Variants in ARID1A observed in about 807,000 individuals in gnomAD.
The protein encoded by ARID1A is AT-rich interaction domain 1A, also known as AT-rich interactive domain-containing protein 1A.
In ARID1A, 20 loss-of-function variants were observed where a neutral mutation model predicts 212.6. The observed-to-expected ratio is 0.09, with a 90% CI of 0.07 to 0.14. The LOEUF (loss-of-function observed/expected upper bound fraction) is 0.14, where lower values mean the gene tolerates loss of function less well. ARID1A is among the 10% of genes least tolerant of loss of function. ARID1A has a pLI of 1.00. For missense variants in ARID1A, 2,587 were observed against 3,059.0 expected (o/e 0.85, Z 3.64); for synonymous variants, 1,376 against 1,222.1 (o/e 1.13, Z -2.63).
At chr1:26,714,138 G>A (rs946882079) in intron 1 of ARID1A, among the ~76,000 whole-genome samples, 3 of 152,312 alleles carry the variant, frequency 2.0e-5, no homozygotes, top group African/African-American at 7.2e-5. Context: ...GGCCAGAGAT[G>A]GCAAAGAATA....
chr1:26,699,453 C>T (rs1166266981), intron 1 of ARID1A, among the ~76,000 whole-genome samples: 1 of 152,210 alleles, frequency 6.6e-6, no homozygotes, highest in Non-Finnish European at 1.5e-5. Context: ...CACTTACTAG[C>T]TGTATTCCCA....
intron 4 of ARID1A, among the ~76,000 whole-genome samples, chr1:26,741,911 G>A (rs1186858059): frequency 6.6e-6 from 1 of 152,230 alleles, no homozygotes; most frequent in East Asian, 1.9e-4. Context: ...GAGCTATGCT[G>A]TCCCTGTAGA....
rs749452696 is a variant in ARID1A, at chr1:26,696,653, GGCGGCGGCGGAGCCGGCA to G, written c.261_278del (p.Ala88_Gly93del). Reference sequence around the variant, plus strand: ...CGGGGCCGAGAGCAATGGGGGTGGCGGCGGCGGCGGAGCCGGCAGCGGCGGCGGGCCCGGCGCGGAGCC... The same window carrying G: ...CGGGGCCGAGAGCAATGGGGGTGGCGGCGGCGGCGGGCCCGGCGCGGAGCC... On this transcript the variant is annotated inframe_deletion, in exon 1 of 20. Coordinates refer to ENST00000324856, the MANE Select transcript of ARID1A (RefSeq NM_006015.6). 164 of 1,313,954 alleles carry G rather than the reference GGCGGCGGCGGAGCCGGCA, an allele frequency of 1.2e-4. No homozygotes were observed. The highest frequency in any genetic ancestry group is 5.8e-4 in the Middle Eastern group (2 of 3,452). 81.4% of individuals were successfully genotyped at this position (1,313,954 alleles called of 1,614,324 possible).
Position 26,731,251 on chromosome 1 carries a change from C to G in ARID1A, c.1450C>G (p.Pro484Ala), listed in dbSNP as rs1189548389. ...TCCTCACCCTCAGCAGCAGCAGCCA[C>G]CCTACTCCCAGCAACCACCGTCCCA... Reference protein sequence around the residue: ...QSPHPQQQQPPYSQQPPSQTP... With the variant: ...QSPHPQQQQPAYSQQPPSQTP... Residue 484 changes from proline to alanine, a missense_variant, in exon 3 of 20, where the codon CCC (proline) becomes GCC (alanine). This residue lies in a region of ARID1A where 674 missense variants were observed against 813.4 expected (regional missense o/e 0.83). Transcript: ENST00000324856. 1 of 1,613,814 alleles carries G rather than the reference C, an allele frequency of 6.2e-7. No individual in the cohort carries two copies. Among genetic ancestry groups the G allele is most frequent in the Non-Finnish European group, 8.5e-7 (1 of 1,179,988 alleles).
At chr1:26,763,373 CAG>C (rs2081010282) in intron 8 of ARID1A, 88 bp downstream of exon 8, 1 of 1,409,260 alleles carries the variant, frequency 7.1e-7, no homozygotes. Flanking sequence ...GGACCTAAAC[CAG>C]GGGGGGAAAA....
chr1:26,745,417 T>C (rs778250620), intron 4 of ARID1A, among the ~76,000 whole-genome samples: 2 of 152,192 alleles, frequency 1.3e-5, no homozygotes, highest in African/African-American at 2.4e-5. Context: ...TCTAATCTCA[T>C]GAGTCAGCTT....
intron 1 of ARID1A, among the ~76,000 whole-genome samples, chr1:26,703,758 G>C (rs2080361072): frequency 6.6e-6 from 1 of 152,208 alleles, no homozygotes; most frequent in South Asian, 2.1e-4. Context: ...ATGGGGATGG[G>C]AAATAGCCCT....
rs574493286 is a variant in ARID1A at position 26,714,866 on chromosome 1, A to G, written c.1138-14785A>G. 7.1e-4 allele frequency among the ~76,000 whole-genome samples: 108 copies of G among 152,300 alleles called. No homozygotes were observed. The Middle Eastern group carries it at 0.01, about 14-fold the overall frequency. Reference sequence around the variant, plus strand: ...GCAGCCCTAGGAATTAATGAAATAAACAGTGGCATTGCTGCTGCTTCTTGG... The same window carrying G: ...GCAGCCCTAGGAATTAATGAAATAAGCAGTGGCATTGCTGCTGCTTCTTGG... On this transcript the variant is annotated intron_variant, in intron 1 of 19. Coordinates refer to ENST00000324856, the MANE Select transcript of ARID1A (RefSeq NM_006015.6).
rs375694145 is a variant in ARID1A at position 26,709,778 on chromosome 1, A to G, written c.1137+12238A>G. Among the ~76,000 whole-genome samples the G allele has an allele frequency of 1.1e-4, 17 of 151,402 alleles. No homozygotes were observed. The East Asian group carries it at 3.3e-3, about 30-fold the overall frequency. On this transcript the variant is annotated intron_variant, in intron 1 of 19. Coordinates refer to ENST00000324856, the MANE Select transcript of ARID1A (RefSeq NM_006015.6). ...AGCAATCTTCCTTCCTCAGCCTCCCAAGTAGCTGAGCTACAAGCACATGTC... is the reference window on the plus strand; with the variant it reads ...AGCAATCTTCCTTCCTCAGCCTCCCGAGTAGCTGAGCTACAAGCACATGTC...
At chr1:26,727,183 T>G (rs865927592) in intron 1 of ARID1A, among the ~76,000 whole-genome samples, 14 of 152,214 alleles carry the variant, frequency 9.2e-5, no homozygotes, top group African/African-American at 3.1e-4. Context: ...AAAGAACTGA[T>G]GTGTTCAAGG....
intron 4 of ARID1A, among the ~76,000 whole-genome samples, chr1:26,735,425 T>C (rs978348134): frequency 2.0e-4 from 31 of 152,222 alleles, no homozygotes; most frequent in African/African-American, 7.5e-4. Flanking sequence ...CCCGAGTAGC[T>C]GGGATTACAG....
Position 26,705,431 on chromosome 1 carries a change from C to T in ARID1A, c.1137+7891C>T, listed in dbSNP as rs61786486. 1.5e-3 allele frequency among the ~76,000 whole-genome samples: 219 copies of T among 150,450 alleles called. 1 individual carries two copies. The highest frequency in any genetic ancestry group is 4.2e-3 in the Admixed American group (63 of 15,116). ...CTGGAATTACAGGTGTGAGCCACCACGCCCAGCCTTTTTTTTTTTTCCCCC... is the reference window on the plus strand; with the variant it reads ...CTGGAATTACAGGTGTGAGCCACCATGCCCAGCCTTTTTTTTTTTTCCCCC... On this transcript the variant is annotated intron_variant, in intron 1 of 19. Coordinates refer to ENST00000324856, the MANE Select transcript of ARID1A (RefSeq NM_006015.6).
chr1:26,707,626 A>G (rs1570551905), intron 1 of ARID1A, among the ~76,000 whole-genome samples: 1 of 152,242 alleles, frequency 6.6e-6, no homozygotes, highest in South Asian at 2.1e-4. Flanking sequence ...TACAGGCGTG[A>G]GCCACTGTGC....
Position 26,696,672 on chromosome 1 carries a change from G to A in ARID1A, c.269G>A (p.Ser90Asn). The A allele has an allele frequency of 7.6e-7, 1 of 1,321,438 alleles. No individual in the cohort carries two copies. The allele number at this position is 1,321,438 out of a possible 1,614,324, so 81.9% of individuals were successfully genotyped here. A position where few individuals can be genotyped will look rare whatever the true frequency, so the allele number is the denominator to read the frequency against. The change falls in exon 1 of 20, where the codon AGC (serine) becomes AAC (asparagine). Residue 90 changes from serine (S) to asparagine (N), a missense_variant. Coordinates refer to ENST00000324856, the MANE Select transcript of ARID1A (RefSeq NM_006015.6). Reference protein sequence around the residue: ...NGGGGGGGAGSGGGPGAEPDL... With the variant: ...NGGGGGGGAGNGGGPGAEPDL... ...GGTGGCGGCGGCGGCGGAGCCGGCA[G>A]CGGCGGCGGGCCCGGCGCGGAGCCG...
At chr1:26,729,549 C>A in intron 1 of ARID1A, 102 bp from the exon 2 acceptor site, 1 of 1,337,788 alleles carries the variant, frequency 7.5e-7, no homozygotes, top group Non-Finnish European at 1.1e-6. Context: ...AACTGTATTT[C>A]TTTATAGCAT....
At chr1:26,697,640 G>C (rs1228052878) in intron 1 of ARID1A, 100 bp downstream of exon 1, 2 of 1,142,274 alleles carry the variant, frequency 1.8e-6, no homozygotes, top group Non-Finnish European at 2.2e-6. Flanking sequence ...CCTCAGTCCC[G>C]GGCCCCCACT....
chr1:26,738,629 G>C (rs1459717403), intron 4 of ARID1A, among the ~76,000 whole-genome samples: 2 of 152,006 alleles, frequency 1.3e-5, no homozygotes, highest in African/African-American at 4.8e-5. Flanking sequence ...CACGATCTTG[G>C]CTCACTGCAG....
chr1:26,738,488 C>T (rs958094579), intron 4 of ARID1A, among the ~76,000 whole-genome samples: 2 of 152,184 alleles, frequency 1.3e-5, no homozygotes, highest in African/African-American at 4.8e-5. Context: ...ATATAGTAGG[C>T]TCCAACTTAC....
chr1:26,700,498 G>A (rs2080321862), intron 1 of ARID1A, among the ~76,000 whole-genome samples: 2 of 152,080 alleles, frequency 1.3e-5, no homozygotes, highest in African/African-American at 2.4e-5. Flanking sequence ...GTTGAATCCC[G>A]GTACTGATGA....
Sources: allele counts gnomAD v4.1 joint callset (sites outside exome capture counted in the v4.1 genomes callset), GRCh38; gene constraint gnomAD v4.1.1; regional missense constraint gnomAD v4.1.1; transcripts MANE v1.5; gene names NCBI Gene and HGNC (gene_info 2026-07-23, HGNC 2026-07-21).